NAALADL2: variants seen among roughly 807,000 people sequenced by gnomAD.
The protein encoded by NAALADL2 is inactive N-acetylated-alpha-linked acidic dipeptidase-like protein 2.
Under a neutral mutation model 87.2 loss-of-function variants are expected in NAALADL2, and 76 were observed. That is an observed-to-expected ratio of 0.87 (90% CI 0.72 to 1.05). NAALADL2 has a LOEUF of 1.05. Ranked by LOEUF, NAALADL2 falls within the 50% of genes least tolerant of loss-of-function variation. The pLI is 0.00. For missense variants in NAALADL2, 1,089 were observed against 945.8 expected (o/e 1.15, Z -1.99); for synonymous variants, 354 against 331.0 (o/e 1.07, Z -0.75).
chr3:175,565,248 A>G lies in NAALADL2; in HGVS notation c.1654-10793A>G, dbSNP rs147628271. On this transcript the variant is annotated intron_variant, in intron 9 of 13. Transcript: ENST00000454872. Reference sequence around the variant, plus strand: ...GGATAACAAAACTTTTAGTCTGTAAAATGAAATAAAAAGAACTCATCTCAT... The same window carrying G: ...GGATAACAAAACTTTTAGTCTGTAAGATGAAATAAAAAGAACTCATCTCAT... Among the ~76,000 whole-genome samples, 7 of 152,284 alleles carry G rather than the reference A, an allele frequency of 4.6e-5. No homozygotes were observed. The East Asian group carries it at 1.4e-3, about 29-fold the overall frequency.
At chr3:175,561,061 C>T (rs184665528) in intron 9 of NAALADL2, among the ~76,000 whole-genome samples, 1 of 152,094 alleles carries the variant, frequency 6.6e-6, no homozygotes, top group Non-Finnish European at 1.5e-5. Flanking sequence ...GGAAAACTGT[C>T]TAAGGCCTGC....
chr3:175,166,180 C>G (rs1669511210), intron 2 of NAALADL2, among the ~76,000 whole-genome samples: 1 of 151,944 alleles, frequency 6.6e-6, no homozygotes, highest in African/African-American at 2.4e-5. Flanking sequence ...CTTAGAAAAT[C>G]TTACCCCTTG....
At chr3:175,397,626 C>T (rs892069131) in intron 5 of NAALADL2, among the ~76,000 whole-genome samples, 1 of 152,112 alleles carries the variant, frequency 6.6e-6, no homozygotes, top group African/African-American at 2.4e-5. Flanking sequence ...TCTCTAACAG[C>T]AACATTAAAA....
At chr3:175,118,593 A>G (rs1725652378) in intron 2 of NAALADL2, among the ~76,000 whole-genome samples, 1 of 151,710 alleles carries the variant, frequency 6.6e-6, no homozygotes, top group Non-Finnish European at 1.5e-5. Flanking sequence ...CAAGAGAACA[A>G]TAACTTATTT....
At position 175,494,291 on chromosome 3, in the gene NAALADL2, A is replaced by G. The variant is rs564042341; in HGVS notation, c.1653+22533A>G. Among the ~76,000 whole-genome samples the G allele has an allele frequency of 3.3e-5, 5 of 152,190 alleles. No homozygotes were observed. In the South Asian group the frequency reaches 1.0e-3, roughly 32 times the overall value. ...ATTTTGAAGCATTTAAACCATTTTA[A>G]TTTTTCTGTTACAATATGGTGATAA... On this transcript the variant is annotated intron_variant, in intron 9 of 13. Coordinates refer to ENST00000454872, the MANE Select transcript of NAALADL2 (RefSeq NM_207015.3).
intron 11 of NAALADL2, among the ~76,000 whole-genome samples, chr3:175,659,799 A>T (rs569607266): frequency 6.6e-6 from 1 of 152,320 alleles, no homozygotes; most frequent in East Asian, 1.9e-4. Flanking sequence ...AAAAGGAGCT[A>T]GACTTCTATA....
chr3:175,361,022 C>T (rs1349223743), intron 5 of NAALADL2, among the ~76,000 whole-genome samples: 2 of 151,764 alleles, frequency 1.3e-5, no homozygotes, highest in Non-Finnish European at 2.9e-5. Flanking sequence ...TCCCCACTCC[C>T]CCCACCCCAC....
In NAALADL2 at chr3:174,675,432, T is replaced by C. The variant is rs1578508406; in HGVS notation, c.-114-62209T>C. Among the ~76,000 whole-genome samples, 5 of 152,150 alleles carry C rather than the reference T, an allele frequency of 3.3e-5. No individual in the cohort carries two copies. In the South Asian group the frequency reaches 1.0e-3, roughly 32 times the overall value. ...ATTAATTTTTTTCATTTTCATAAAG[T>C]GAAGTGTTCACCACTTTCCATGTTA... On this transcript the variant is annotated intron_variant, in intron 2 of 3. Coordinates refer to the NAALADL2 transcript ENST00000434257.
chr3:174,649,546 A>G (rs79405969), intron 2 of NAALADL2, among the ~76,000 whole-genome samples: 5,092 of 152,122 alleles, frequency 0.033, 228 homozygotes, highest in African/African-American at 0.1. Context: ...AAAACTACAT[A>G]TATGCTCATC....
At chr3:174,551,737 G>GTTA (rs570989868) in intron 2 of NAALADL2, among the ~76,000 whole-genome samples, 275 of 152,270 alleles carry the variant, frequency 1.8e-3, no homozygotes, top group African/African-American at 6.1e-3. Flanking sequence ...GAAATCAATT[G>GTTA]CATATTGAGG....
In NAALADL2 at chr3:175,148,128, T is replaced by A. The variant is rs563930176; in HGVS notation, c.545+50837T>A. On this transcript the variant is annotated intron_variant, in intron 2 of 13. Transcript: ENST00000454872. ...AATAATAATAATAATAATAATAAAA[T>A]AATAATAATAGCCATTCTGACTGGT... Among the ~76,000 whole-genome samples the A allele has an allele frequency of 4.1e-3, 539 of 131,738 alleles. 3 individuals are homozygous for A. The highest frequency in any genetic ancestry group is 0.026 in the South Asian group (110 of 4,184). 86.4% of individuals were successfully genotyped at this position (131,738 alleles called of 152,430 possible). A position where few individuals can be genotyped will look rare whatever the true frequency, so the allele number is the denominator to read the frequency against.
intron 2 of NAALADL2, among the ~76,000 whole-genome samples, chr3:174,630,153 A>G (rs538859488): frequency 5.9e-5 from 9 of 152,260 alleles, no homozygotes; most frequent in Non-Finnish European, 1.0e-4. Context: ...ATAATTTTTC[A>G]TTTTGTTGAT....
At chr3:174,523,027 C>A (rs527319249) in intron 1 of NAALADL2, among the ~76,000 whole-genome samples, 1 of 151,086 alleles carries the variant, frequency 6.6e-6, no homozygotes, top group South Asian at 2.1e-4. Context: ...GAGGACACAG[C>A]AAGAAAGCAC....
At chr3:175,302,387 G>A (rs60611291) in intron 4 of NAALADL2, among the ~76,000 whole-genome samples, 25,352 of 152,026 alleles carry the variant, frequency 0.17, 2,237 homozygotes, top group African/African-American at 0.21. Flanking sequence ...AGTCCAGTTG[G>A]GGCTTAAGGG....
At chr3:175,160,177 C>T (rs952271878) in intron 2 of NAALADL2, among the ~76,000 whole-genome samples, 4 of 151,628 alleles carry the variant, frequency 2.6e-5, no homozygotes, top group African/African-American at 7.3e-5. Context: ...TATTCACTTG[C>T]ACATAGGTCA....
intron 1 of NAALADL2, among the ~76,000 whole-genome samples, chr3:174,452,252 T>G (rs1715540208): frequency 6.6e-6 from 1 of 152,212 alleles, no homozygotes; most frequent in African/African-American, 2.4e-5. Context: ...GCATGTGCTT[T>G]ATCTTTGTCT....
chr3:175,077,659 C>G (rs927106779), intron 1 of NAALADL2, among the ~76,000 whole-genome samples: 10 of 152,048 alleles, frequency 6.6e-5, no homozygotes, highest in African/African-American at 2.4e-4. Flanking sequence ...ATAGTAATAT[C>G]ATAAATATAC....
chr3:175,087,713 G>A (rs1431236639), intron 1 of NAALADL2, among the ~76,000 whole-genome samples: 1 of 152,042 alleles, frequency 6.6e-6, no homozygotes, highest in African/African-American at 2.4e-5. Context: ...AAGGCAGCAT[G>A]CTCATTAAGA....
At chr3:174,819,230 A>T (rs1015431177) in intron 3 of NAALADL2, among the ~76,000 whole-genome samples, 2 of 151,426 alleles carry the variant, frequency 1.3e-5, no homozygotes. Flanking sequence ...ATGCCCAGCT[A>T]AATTTTGTAT....
Sources: allele counts gnomAD v4.1 joint callset (sites outside exome capture counted in the v4.1 genomes callset), GRCh38; gene constraint gnomAD v4.1.1; transcripts MANE v1.5; gene names NCBI Gene and HGNC (gene_info 2026-07-23, HGNC 2026-07-21).